Variants in U2SURP observed in about 807,000 individuals in gnomAD.
U2SURP encodes the protein U2 snRNP-associated SURP motif-containing protein.
A neutral mutation model predicts 144.9 loss-of-function variants in U2SURP; 9 were observed. The observed-to-expected ratio is 0.06, with a 90% CI of 0.04 to 0.11. U2SURP has a LOEUF of 0.11. U2SURP is among the 10% of genes least tolerant of loss of function. U2SURP has a pLI of 1.00. For synonymous variants in U2SURP, 408 were observed against 396.8 expected, an observed-to-expected ratio of 1.03 and a Z score of -0.33; for missense variants, 724 against 1,226.7, an observed-to-expected ratio of 0.59 and a Z score of 6.12.
At chr3:143,037,125 C>A (rs1213219808) in intron 20 of U2SURP, 54 bp from the exon 21 acceptor site, 14 of 1,544,952 alleles carry the variant, frequency 9.1e-6, no homozygotes, top group Non-Finnish European at 1.2e-5. Flanking sequence ...ATCTTACAAG[C>A]AATGTGACTT....
At position 143,010,227 on chromosome 3, in the gene U2SURP, T is replaced by C. The variant is rs576040895; in HGVS notation, c.46-588T>C. Among the ~76,000 whole-genome samples the C allele has an allele frequency of 6.6e-5, 10 of 152,346 alleles. No homozygotes were observed. The South Asian group carries it at 1.2e-3, about 19-fold the overall frequency. ...TAACAGTTGACATCACTGGAAGATA[T>C]TATATGAACTCTTTCTCATGCCACC... On this transcript the variant is annotated intron_variant, in intron 1 of 27. Transcript: ENST00000473835.
chr3:143,054,466 ATAGTTT>A (rs1461611922), intron 26 of U2SURP, among the ~76,000 whole-genome samples: 1 of 152,210 alleles, frequency 6.6e-6, no homozygotes, highest in Non-Finnish European at 1.5e-5. Context: ...CTATTTTGAC[ATAGTTT>A]TAGATTTATA....
chr3:143,014,253 T>C (rs1936255222), intron 3 of U2SURP, 58 bp from the exon 4 acceptor site: 2 of 1,179,220 alleles, frequency 1.7e-6, no homozygotes, highest in Non-Finnish European at 2.4e-6. Flanking sequence ...TTGATGTGTA[T>C]TAAAGTTTTA....
chr3:143,033,990 G>C (rs758700056), intron 18 of U2SURP, among the ~76,000 whole-genome samples: 1 of 152,130 alleles, frequency 6.6e-6, no homozygotes, highest in Non-Finnish European at 1.5e-5. Flanking sequence ...AAACATAAGA[G>C]ACCAAAGACA....
At chr3:143,044,236 G>GAC (rs1354570179) in intron 24 of U2SURP, among the ~76,000 whole-genome samples, 1 of 150,152 alleles carries the variant, frequency 6.7e-6, no homozygotes, top group Non-Finnish European at 1.5e-5. Context: ...GAAGAGCCCA[G>GAC]ACTATCTCAG....
At chr3:143,033,453 A>G in intron 18 of U2SURP, 103 bp downstream of exon 18, 1 of 616,464 alleles carries the variant, frequency 1.6e-6, no homozygotes, top group South Asian at 2.1e-5. Flanking sequence ...AATAAGAAGT[A>G]CAGTCAGCCC....
intron 23 of U2SURP, among the ~76,000 whole-genome samples, chr3:143,042,413 C>T (rs1331463597): frequency 6.6e-6 from 1 of 152,080 alleles, no homozygotes; most frequent in Non-Finnish European, 1.5e-5. Context: ...GCTGAAGTTA[C>T]TAAAGGCACA....
intron 20 of U2SURP, 118 bp from the exon 21 acceptor site, chr3:143,037,061 G>T: frequency 1.1e-6 from 1 of 918,880 alleles, no homozygotes; most frequent in Non-Finnish European, 1.6e-6. Flanking sequence ...TTCTTACATT[G>T]TACCTCAGAT....
At chr3:143,019,378 T>C (rs1045311352) in intron 6 of U2SURP, among the ~76,000 whole-genome samples, 2 of 152,200 alleles carry the variant, frequency 1.3e-5, no homozygotes, top group Admixed American at 6.5e-5. Flanking sequence ...ATTCCTGTGG[T>C]TTTCTCCCAA....
chr3:143,055,449 AAG>A (rs1935102953), intron 27 of U2SURP, among the ~76,000 whole-genome samples: 1 of 152,180 alleles, frequency 6.6e-6, no homozygotes, highest in Non-Finnish European at 1.5e-5. Context: ...TCAAAGCTGA[AAG>A]AAACACACAT....
intron 16 of U2SURP, among the ~76,000 whole-genome samples, chr3:143,032,333 AG>A (rs1304912931): frequency 2.0e-5 from 3 of 152,186 alleles, no homozygotes; most frequent in Non-Finnish European, 4.4e-5. Flanking sequence ...GGCCTCCCAG[AG>A]TGCTGGGATT....
chr3:143,057,720 T>G lies in U2SURP; in HGVS notation c.*1270T>G, dbSNP rs923764994. The G allele has an allele frequency of 2.0e-5, 3 of 151,968 alleles. No individual in the cohort carries two copies. Among genetic ancestry groups the G allele is most frequent in the Admixed American group, 6.6e-5 (1 of 15,262 alleles). 9.4% of individuals were successfully genotyped at this position (151,968 alleles called of 1,614,324 possible). On this transcript the variant is annotated 3_prime_UTR_variant, in exon 28 of 28. Transcript: ENST00000473835. ...CTTCATACACTGGTTTGATGGGTTT[T>G]TTTTTTCCTCCCTAAAAGAGAAAGT...
At chr3:143,030,137 G>A (rs963842814) in intron 16 of U2SURP, among the ~76,000 whole-genome samples, 1 of 152,242 alleles carries the variant, frequency 6.6e-6, no homozygotes, top group African/African-American at 2.4e-5. Context: ...GATGAAGGTG[G>A]CTACACTAAA....
chr3:143,042,771 C>T (rs1934187264), intron 23 of U2SURP, among the ~76,000 whole-genome samples: 2 of 152,122 alleles, frequency 1.3e-5, no homozygotes, highest in African/African-American at 4.8e-5. Context: ...TGAAATCACT[C>T]TGAACTGTGA....
chr3:143,033,466 C>T (rs141342669), intron 18 of U2SURP, 116 bp downstream of exon 18: 149 of 585,732 alleles, frequency 2.5e-4, no homozygotes, highest in African/African-American at 2.5e-3. Context: ...GTCAGCCCTC[C>T]ATGTCTGTGG....
intron 24 of U2SURP, among the ~76,000 whole-genome samples, chr3:143,045,187 G>A (rs998939535): frequency 2.6e-5 from 4 of 151,860 alleles, no homozygotes; most frequent in African/African-American, 7.3e-5. Context: ...TGGCTAACAC[G>A]GTGAAACCCG....
intron 24 of U2SURP, among the ~76,000 whole-genome samples, chr3:143,049,047 G>A (rs1484795258): frequency 6.6e-6 from 1 of 150,664 alleles, no homozygotes; most frequent in African/African-American, 2.4e-5. Context: ...CTGAGGTCAG[G>A]AGTTCGAGAC....
intron 24 of U2SURP, among the ~76,000 whole-genome samples, chr3:143,044,121 T>C (rs1934271416): frequency 6.6e-6 from 1 of 152,100 alleles, no homozygotes; most frequent in Admixed American, 6.5e-5. Flanking sequence ...TTCTGGCATA[T>C]TCTGTTATGT....
chr3:143,039,177 C>T (rs753761625), intron 23 of U2SURP, among the ~76,000 whole-genome samples: 6 of 151,948 alleles, frequency 3.9e-5, no homozygotes, highest in African/African-American at 1.2e-4. Context: ...GAGTTTTTTA[C>T]GCTAGGTTAT....
Sources: gnomAD v4.1 joint callset for allele counts (sites outside exome capture counted in the v4.1 genomes callset) on GRCh38, gnomAD v4.1.1 for gene constraint, MANE v1.5 for transcripts, NCBI Gene and HGNC (gene_info 2026-07-23, HGNC 2026-07-21) for gene names.